The following CECR2 variants were observed in gnomAD, a reference collection of about 807,000 sequenced individuals.
The protein encoded by CECR2 is CECR2 histone acetyl-lysine reader, also known as chromatin remodeling regulator CECR2.
CECR2 carries 30 observed loss-of-function variants against 154.5 expected under a neutral mutation model. The observed-to-expected ratio is 0.19, with a 90% CI of 0.15 to 0.26. The LOEUF (loss-of-function observed/expected upper bound fraction) is 0.26, where lower values mean the gene tolerates loss of function less well. CECR2 is among the 10% of genes least tolerant of loss of function. The pLI is 1.00. For synonymous variants in CECR2, 725 were observed against 683.7 expected (o/e 1.06, Z -0.94); for missense variants, 1,743 against 1,829.3 (o/e 0.95, Z 0.86).
At chr22:17,360,672 A>G (rs1318573475) in intron 1 of CECR2, among the ~76,000 whole-genome samples, 2 of 144,298 alleles carry the variant, frequency 1.4e-5, no homozygotes, top group African/African-American at 5.4e-5. Flanking sequence ...GCTAGACTCC[A>G]TCTCGGAAAA....
intron 1 of CECR2, among the ~76,000 whole-genome samples, chr22:17,426,649 G>A (rs962247875): frequency 6.6e-6 from 1 of 152,202 alleles, no homozygotes; most frequent in Non-Finnish European, 1.5e-5. Flanking sequence ...GAGCCACTAT[G>A]CCCGGCCTAA....
intron 1 of CECR2, among the ~76,000 whole-genome samples, chr22:17,360,831 G>A (rs530458232): frequency 4.8e-5 from 7 of 144,576 alleles, no homozygotes; most frequent in Non-Finnish European, 7.5e-5. Flanking sequence ...GCAATAAAGT[G>A]AGACCCTGTC....
intron 1 of CECR2, among the ~76,000 whole-genome samples, chr22:17,440,975 C>T (rs2054576695): frequency 6.7e-6 from 1 of 150,280 alleles, no homozygotes; most frequent in African/African-American, 2.4e-5. Flanking sequence ...GGGCAGGGGG[C>T]GGGATGGAGT....
upstream of CECR2, among the ~76,000 whole-genome samples, chr22:17,366,987 G>A (rs142804631): frequency 6.6e-6 from 1 of 152,272 alleles, no homozygotes; most frequent in Non-Finnish European, 1.5e-5. Context: ...TCTAAAGTTG[G>A]TGTGCTGGGC....
intron 1 of CECR2, among the ~76,000 whole-genome samples, chr22:17,451,292 G>A (rs1041766996): frequency 6.6e-6 from 1 of 152,218 alleles, no homozygotes; most frequent in African/African-American, 2.4e-5. Context: ...GAGTGGGACT[G>A]ATACAAAGTG....
chr22:17,371,539 A>G (rs1331213010), intron 1 of CECR2, among the ~76,000 whole-genome samples: 19 of 152,246 alleles, frequency 1.2e-4, no homozygotes, highest in East Asian at 3.8e-4. Context: ...CCTAAAGGTC[A>G]AAGGATGTTT....
Position 17,497,439 on chromosome 22 carries a change from C to G in CECR2, c.258C>G (p.Ile86Met). Residue 86 changes from isoleucine (I) to methionine (M), a missense_variant, in exon 3 of 19, where the codon ATC (isoleucine) becomes ATG (methionine). Around this residue, in one of 4 missense-constraint regions of CECR2, gnomAD observed 98 missense variants for 169.3 expected, o/e 0.58. Transcript: ENST00000262608. ...QTFHSYLEDI[I>M]NYRWELEEGK... ...TCCACAGCTACCTAGAGGACATCATCAACTACCGCTGGGAGCTCGAAGAAG... is the reference window on the plus strand; with the variant it reads ...TCCACAGCTACCTAGAGGACATCATGAACTACCGCTGGGAGCTCGAAGAAG... 6.2e-7 allele frequency: 1 copy of G among 1,613,902 alleles called. No individual in the cohort carries two copies.
intron 2 of CECR2, among the ~76,000 whole-genome samples, chr22:17,490,896 A>C (rs1601447967): frequency 1.3e-5 from 2 of 151,896 alleles, no homozygotes; most frequent in Non-Finnish European, 2.9e-5. Flanking sequence ...GTTTCCTCCC[A>C]CCCACTTCCC....
chr22:17,497,590 T>G lies in CECR2; in HGVS notation c.405+4T>G, dbSNP rs769564941. On this transcript the variant is annotated splice_donor_region_variant and intron_variant, in intron 3 of 18. Transcript: ENST00000262608. The stretch of plus-strand genomic sequence containing the variant: ...CGATGTCTTCGATCTTCTAAAGGTA[T>G]GCTTAACTGGCGAACCTTTCCCTGT... 4.3e-6 allele frequency: 7 copies of G among 1,612,478 alleles called. No homozygotes were observed. The East Asian group carries it at 1.6e-4, about 36-fold the overall frequency.
intron 1 of CECR2, among the ~76,000 whole-genome samples, chr22:17,400,654 G>A (rs2039009186): frequency 6.6e-6 from 1 of 152,158 alleles, no homozygotes. Flanking sequence ...CAGAGAAGAG[G>A]GAGGTCAGAG....
chr22:17,472,627 G>A (rs2055146134), intron 1 of CECR2, among the ~76,000 whole-genome samples: 1 of 152,072 alleles, frequency 6.6e-6, no homozygotes, highest in African/African-American at 2.4e-5. Flanking sequence ...TACAGTGACC[G>A]AATGGCAGTA....
chr22:17,468,142 A>G (rs2055064890), intron 1 of CECR2, among the ~76,000 whole-genome samples: 1 of 152,186 alleles, frequency 6.6e-6, no homozygotes, highest in South Asian at 2.1e-4. Context: ...GTTAAGAAAA[A>G]GGGATTTGTG....
In CECR2 at chr22:17,549,559, A is replaced by C; in HGVS notation, c.4272A>C (p.Pro1424=). ...IRGPFQEMYR[P]SGMQMHPVQS... is the part of the protein sequence containing the mutation. ...GACCTTTCCAGGAAATGTACAGACC[A>C]TCAGGGTAAGATTGCATTCAGGCTT... The change falls in exon 17 of 19, where the codon CCA becomes CCC. Residue 1424 remains proline (P), a synonymous_variant. Coordinates refer to ENST00000262608, the MANE Select transcript of CECR2 (RefSeq NM_001290047.2). 6.3e-7 allele frequency: 1 copy of C among 1,583,116 alleles called. No homozygotes were observed. Among genetic ancestry groups the C allele is most frequent in the Non-Finnish European group, 8.6e-7 (1 of 1,163,672 alleles).
intron 5 of CECR2, among the ~76,000 whole-genome samples, chr22:17,501,536 C>T (rs571433487): frequency 6.6e-6 from 1 of 151,536 alleles, no homozygotes; most frequent in East Asian, 1.9e-4. Flanking sequence ...CCAGCCTGGG[C>T]GACACAGCGA....
intron 2 of CECR2, among the ~76,000 whole-genome samples, chr22:17,486,955 G>T (rs2055432813): frequency 6.6e-6 from 1 of 152,206 alleles, no homozygotes; most frequent in African/African-American, 2.4e-5. Flanking sequence ...TGCTGTGCAA[G>T]TTCTGGGTGG....
chr22:17,375,049 T>A (rs1341462851), intron 1 of CECR2, among the ~76,000 whole-genome samples: 4 of 152,176 alleles, frequency 2.6e-5, no homozygotes, highest in Admixed American at 2.6e-4. Context: ...ACAGAAGATC[T>A]TTTTAAAAAA....
intron 1 of CECR2, among the ~76,000 whole-genome samples, chr22:17,391,913 C>T (rs953648492): frequency 6.6e-6 from 1 of 152,140 alleles, no homozygotes; most frequent in African/African-American, 2.4e-5. Flanking sequence ...GCAATTCCCC[C>T]GTCTCAGCTT....
In CECR2 at chr22:17,431,526, A is replaced by G. The variant is rs544406522; in HGVS notation, c.127-46062A>G. 9.1e-4 allele frequency among the ~76,000 whole-genome samples: 139 copies of G among 152,354 alleles called. 1 individual carries two copies. The South Asian group carries it at 0.011, about 12-fold the overall frequency. ...AAAGTGATCCATTCCATCTGGAGCT[A>G]TGGCATAAAATTATTTGCATGTAGA... On this transcript the variant is annotated intron_variant, in intron 1 of 18. Coordinates refer to ENST00000262608, the MANE Select transcript of CECR2 (RefSeq NM_001290047.2).
At chr22:17,445,386 G>T (rs1322126876) in intron 1 of CECR2, among the ~76,000 whole-genome samples, 1 of 152,016 alleles carries the variant, frequency 6.6e-6, no homozygotes, top group Non-Finnish European at 1.5e-5. Context: ...AGTTTAATTG[G>T]TTCAAGAGCC....
Sources: gnomAD v4.1 joint callset for allele counts (sites outside exome capture counted in the v4.1 genomes callset) on GRCh38, gnomAD v4.1.1 for gene constraint, gnomAD v4.1.1 regional missense constraint, MANE v1.5 for transcripts, NCBI Gene and HGNC (gene_info 2026-07-23, HGNC 2026-07-21) for gene names.